The following RANBP17 variants were observed in gnomAD, a reference collection of about 807,000 sequenced individuals.
RANBP17 encodes the protein RAN binding protein 17.
RANBP17 carries 158 observed loss-of-function variants against 141.2 expected under a neutral mutation model. The ratio of observed to expected loss-of-function variants is 1.12; its 90% CI spans 0.98 to 1.28. The LOEUF (loss-of-function observed/expected upper bound fraction) is 1.28. RANBP17 is among the 50% of genes most tolerant of loss of function. RANBP17 has a pLI of 0.00. For missense variants in RANBP17, 1,438 were observed against 1,290.7 expected (o/e 1.11, Z -1.75); for synonymous variants, 430 against 450.0 (o/e 0.96, Z 0.56).
chr5:171,082,556 A>T (rs957116484), intron 14 of RANBP17, among the ~76,000 whole-genome samples: 1 of 152,098 alleles, frequency 6.6e-6, no homozygotes, highest in African/African-American at 2.4e-5. Context: ...CAGTACCTCT[A>T]AAAAGAGAAT....
intron 25 of RANBP17, among the ~76,000 whole-genome samples, chr5:171,285,210 C>A (rs1403230288): frequency 6.6e-6 from 1 of 152,182 alleles, no homozygotes; most frequent in Non-Finnish European, 1.5e-5. Context: ...ATCACCTATC[C>A]TATGAAGATA....
intron 11 of RANBP17, among the ~76,000 whole-genome samples, chr5:170,921,278 G>T (rs902933256): frequency 1.3e-5 from 2 of 152,144 alleles, no homozygotes; most frequent in Non-Finnish European, 2.9e-5. Context: ...TAAGGTGTAA[G>T]GAAGGAATCC....
intron 24 of RANBP17, among the ~76,000 whole-genome samples, chr5:171,259,641 T>C (rs948444660): frequency 1.3e-5 from 2 of 152,156 alleles, no homozygotes; most frequent in African/African-American, 4.8e-5. Context: ...CTCATTCATA[T>C]GTGGGAGCTC....
intron 14 of RANBP17, among the ~76,000 whole-genome samples, chr5:171,048,435 G>C (rs1182463570): frequency 6.6e-6 from 1 of 151,796 alleles, no homozygotes; most frequent in Non-Finnish European, 1.5e-5. Context: ...TATATCATTT[G>C]CAGTTAATTA....
At chr5:170,897,808 A>G (rs1246184350) in intron 5 of RANBP17, among the ~76,000 whole-genome samples, 1 of 152,178 alleles carries the variant, frequency 6.6e-6, no homozygotes, top group African/African-American at 2.4e-5. Flanking sequence ...CCAGTCTATC[A>G]TTGATGGGCA....
chr5:171,001,537 T>G (rs777441193), intron 14 of RANBP17, among the ~76,000 whole-genome samples: 4 of 152,120 alleles, frequency 2.6e-5, no homozygotes, highest in Non-Finnish European at 4.4e-5. Flanking sequence ...GGAGTGTCCA[T>G]GCAGGAGCTT....
At chr5:171,068,943 T>A (rs1046013308) in intron 14 of RANBP17, among the ~76,000 whole-genome samples, 2 of 152,200 alleles carry the variant, frequency 1.3e-5, no homozygotes, top group African/African-American at 4.8e-5. Context: ...CTTTCCAAAC[T>A]ATTTTTGCGA....
chr5:170,881,759 A>G (rs1170410460), intron 2 of RANBP17, 47 bp from the exon 3 acceptor site: 2 of 1,335,068 alleles, frequency 1.5e-6, no homozygotes, highest in South Asian at 1.5e-5. Context: ...ACAATGCTTT[A>G]TTTTAATTTC....
chr5:171,205,861 A>G, intron 20 of RANBP17: 1 of 565,674 alleles, frequency 1.8e-6, no homozygotes, highest in Non-Finnish European at 3.3e-6. Flanking sequence ...GACTTCCCCC[A>G]AATGATTGTT....
intron 14 of RANBP17, among the ~76,000 whole-genome samples, chr5:171,105,077 TTTTC>T (rs1242550855): frequency 1.3e-5 from 2 of 152,128 alleles, no homozygotes; most frequent in African/African-American, 4.8e-5. Context: ...GATAAAACAA[TTTTC>T]TTTATTTAAA....
At chr5:171,015,879 C>A (rs1413028394) in intron 14 of RANBP17, among the ~76,000 whole-genome samples, 4 of 152,062 alleles carry the variant, frequency 2.6e-5, no homozygotes, top group African/African-American at 9.7e-5. Context: ...TTATTTCTGG[C>A]CTTGTATGAA....
At chr5:170,896,811 C>CA in intron 5 of RANBP17, 1 of 416,484 alleles carries the variant, frequency 2.4e-6, no homozygotes, top group Admixed American at 3.7e-5. Flanking sequence ...CCCTGGGTGA[C>CA]AGAGCAAGAC....
At chr5:170,962,900 G>T (rs1776253856) in intron 13 of RANBP17, among the ~76,000 whole-genome samples, 1 of 152,128 alleles carries the variant, frequency 6.6e-6, no homozygotes, top group Non-Finnish European at 1.5e-5. Context: ...GCAATACGTA[G>T]CAAGTTTTTA....
chr5:171,263,154 T>C (rs530161322), intron 24 of RANBP17, among the ~76,000 whole-genome samples: 81 of 152,342 alleles, frequency 5.3e-4, no homozygotes, highest in African/African-American at 1.8e-3. Context: ...GGCATACATA[T>C]GTCTCAGAAC....
At chr5:171,082,531 A>G (rs900138261) in intron 14 of RANBP17, among the ~76,000 whole-genome samples, 5 of 152,052 alleles carry the variant, frequency 3.3e-5, no homozygotes, top group African/African-American at 1.2e-4. Context: ...TTTGCTCAAC[A>G]TTTTTACACT....
Position 171,242,669 on chromosome 5 carries a change from C to T in RANBP17, c.2638-13C>T. The stretch of plus-strand genomic sequence containing the variant: ...CTCTGTGGCTTGACATTTAGTATAT[C>T]TCTGTGTTGTAGCAATACCGGAAAC... On this transcript the variant is annotated splice_polypyrimidine_tract_variant and intron_variant, in intron 23 of 27. Transcript: ENST00000523189. The T allele has an allele frequency of 6.2e-7, 1 of 1,612,016 alleles. No homozygotes were observed.
intron 14 of RANBP17, among the ~76,000 whole-genome samples, chr5:171,038,238 G>T (rs374576363): frequency 7.6e-4 from 115 of 151,328 alleles, no homozygotes; most frequent in African/African-American, 2.7e-3. Flanking sequence ...TTCTTGATTT[G>T]TCTCTCAGCT....
At chr5:170,868,909 G>T (rs900945763) in intron 1 of RANBP17, among the ~76,000 whole-genome samples, 1 of 152,138 alleles carries the variant, frequency 6.6e-6, no homozygotes, top group Admixed American at 6.5e-5. Flanking sequence ...TGCTTTATAC[G>T]TCTAGATAAT....
chr5:171,213,142 G>A (rs920708775), intron 20 of RANBP17, among the ~76,000 whole-genome samples: 9 of 152,114 alleles, frequency 5.9e-5, no homozygotes, highest in African/African-American at 2.2e-4. Context: ...GAAACTGAGA[G>A]ATATGTGAGG....
Sources: allele counts gnomAD v4.1 joint callset (sites outside exome capture counted in the v4.1 genomes callset), GRCh38; gene constraint gnomAD v4.1.1; transcripts MANE v1.5; gene names NCBI Gene and HGNC (gene_info 2026-07-23, HGNC 2026-07-21).